Variants in MTRF1 observed in about 807,000 individuals in gnomAD.
The protein encoded by MTRF1 is mitochondrial translation release factor 1, also known as peptide chain release factor 1, mitochondrial.
In MTRF1, 51 loss-of-function variants were observed where a neutral mutation model predicts 62.9. That is an observed-to-expected ratio of 0.81 (90% CI 0.65 to 1.02). The LOEUF is 1.02. Ranked by LOEUF, MTRF1 falls within the 50% of genes least tolerant of loss-of-function variation. The pLI is 0.00. For missense variants in MTRF1, 446 were observed against 530.0 expected (o/e 0.84, Z 1.56); for synonymous variants, 158 against 181.9 (o/e 0.87, Z 1.06).
chr13:41,226,100 T>G (rs1489209560), intron 8 of MTRF1, among the ~76,000 whole-genome samples: 1 of 152,240 alleles, frequency 6.6e-6, no homozygotes, highest in Non-Finnish European at 1.5e-5. Flanking sequence ...TTTTAATTTT[T>G]AGAAATAAAA....
intron 8 of MTRF1, among the ~76,000 whole-genome samples, chr13:41,225,436 C>A (rs534044069): frequency 6.6e-6 from 1 of 152,088 alleles, no homozygotes; most frequent in South Asian, 2.1e-4. Flanking sequence ...CAAGTGTATA[C>A]ACTGATGATG....
rs2039481507 is a variant in MTRF1 at position 41,254,589 on chromosome 13, T to C, written c.447A>G (p.Gln149=). 6.2e-7 allele frequency: 1 copy of C among 1,613,626 alleles called. No homozygotes were observed. The change falls in exon 3 of 10, where the codon CAA becomes CAG. Residue 149 remains glutamine, a synonymous_variant. Transcript: ENST00000379480. ...SLNKQDEKQL[Q]ELALEERQTI... ...TTTGCCTTTCTTCCAGTGCAAGTTC[T>C]TGTAACTGCTTTTCATCTTGTTTAT...
chr13:41,239,628 T>C (rs2138943450), intron 6 of MTRF1, among the ~76,000 whole-genome samples: 1 of 152,220 alleles, frequency 6.6e-6, no homozygotes, highest in East Asian at 1.9e-4. Context: ...AAAAGATAGA[T>C]ACATGGTCCC....
chr13:41,222,317 A>G (rs1204934103), intron 9 of MTRF1, among the ~76,000 whole-genome samples: 1 of 152,190 alleles, frequency 6.6e-6, no homozygotes, highest in African/African-American at 2.4e-5. Context: ...TGCGATTTAG[A>G]TAGGTTAATG....
At chr13:41,286,626 T>C in the MTRF1 span, among the ~76,000 whole-genome samples, 1 of 152,216 alleles carries the variant, frequency 6.6e-6, no homozygotes, top group Non-Finnish European at 1.5e-5. Context: ...TCATATCTTA[T>C]CAAAATACGA....
At chr13:41,286,456 G>A in the MTRF1 span, among the ~76,000 whole-genome samples, 6 of 152,080 alleles carry the variant, frequency 3.9e-5, no homozygotes, top group Non-Finnish European at 7.4e-5. Flanking sequence ...TAATACTTAC[G>A]GTTCTTCTAC....
In MTRF1 at chr13:41,260,653, C is replaced by A; in HGVS notation, c.255G>T (p.Glu85Asp). The A allele has an allele frequency of 6.2e-7, 1 of 1,614,218 alleles. No individual in the cohort carries two copies. Among genetic ancestry groups the A allele is most frequent in the Non-Finnish European group, 8.5e-7 (1 of 1,180,036 alleles). Residue 85 changes from glutamate (E) to aspartate (D), a missense_variant, in exon 2 of 10, where the codon GAG becomes GAT. Physicochemically the swap from Glu to Asp is conservative, Grantham distance 45. Coordinates refer to ENST00000379480, the MANE Select transcript of MTRF1 (RefSeq NM_004294.4). Reference sequence around the variant, plus strand: ...GCAGACATTGCTCAAGTGTTTGGTACTCCTTACTCAGGTTCTCCATATATT... The same window carrying A: ...GCAGACATTGCTCAAGTGTTTGGTAATCCTTACTCAGGTTCTCCATATATT... ...LQKYMENLSKEYQTLEQCLQH... is the reference protein window; with the variant it reads ...LQKYMENLSKDYQTLEQCLQH...
chr13:41,262,353 A>G (rs1028164081), intron 1 of MTRF1: 4 of 150,686 alleles, frequency 2.7e-5, no homozygotes, highest in African/African-American at 4.9e-5. Context: ...AAAAAAAAAA[A>G]AAAAGAAACA....
chr13:41,257,697 C>T (rs1019103977), intron 2 of MTRF1: 3 of 389,126 alleles, frequency 7.7e-6, no homozygotes, highest in East Asian at 1.5e-4. Flanking sequence ...ACTTGGGAGG[C>T]TGAGGTTGGA....
intron 2 of MTRF1, among the ~76,000 whole-genome samples, chr13:41,259,688 C>T (rs1187466931): frequency 8.7e-5 from 2 of 23,098 alleles, no homozygotes; most frequent in African/African-American, 1.4e-4. Context: ...GGCGACAGAG[C>T]GAGACTCCGT....
chr13:41,284,586 A>G, the MTRF1 span, among the ~76,000 whole-genome samples: 2 of 151,874 alleles, frequency 1.3e-5, no homozygotes, highest in Non-Finnish European at 1.5e-5. Flanking sequence ...GATAATCTAC[A>G]GGATACATTT....
chr13:41,260,435 G>T, intron 2 of MTRF1, 58 bp downstream of exon 2: 1 of 1,363,648 alleles, frequency 7.3e-7, no homozygotes, highest in Non-Finnish European at 9.9e-7. Context: ...ACGCATATAA[G>T]TGTGTGGTTT....
At chr13:41,222,203 T>C (rs2033519683) in intron 9 of MTRF1, among the ~76,000 whole-genome samples, 1 of 152,164 alleles carries the variant, frequency 6.6e-6, no homozygotes, top group Admixed American at 6.5e-5. Flanking sequence ...ACATAGTCCT[T>C]TATGGGACCA....
intron 6 of MTRF1, among the ~76,000 whole-genome samples, chr13:41,237,503 T>C (rs1320519093): frequency 1.3e-5 from 2 of 152,038 alleles, no homozygotes; most frequent in African/African-American, 4.8e-5. Context: ...CACTATGCAT[T>C]CTTTTTTTTT....
At chr13:41,299,818 A>C in the MTRF1 span, among the ~76,000 whole-genome samples, 1 of 152,212 alleles carries the variant, frequency 6.6e-6, no homozygotes. Context: ...CTAAGGCATA[A>C]TTCAAATAAG....
the MTRF1 span, among the ~76,000 whole-genome samples, chr13:41,275,451 C>T: frequency 1.3e-5 from 2 of 150,642 alleles, no homozygotes; most frequent in African/African-American, 2.5e-5. Flanking sequence ...CTGCCCGCCT[C>T]GGCCTCCCAA....
chr13:41,294,069 T>C, the MTRF1 span, among the ~76,000 whole-genome samples: 2 of 152,140 alleles, frequency 1.3e-5, no homozygotes, highest in African/African-American at 4.8e-5. Flanking sequence ...GAATTCTGTA[T>C]ATAAAGAGTA....
chr13:41,218,580 A>G (rs1218752256), intron 9 of MTRF1, among the ~76,000 whole-genome samples: 3 of 152,214 alleles, frequency 2.0e-5, no homozygotes, highest in Non-Finnish European at 4.4e-5. Context: ...AAAAATGACT[A>G]AATTAATGAC....
chr13:41,236,715 T>G (rs543743564), intron 6 of MTRF1: 2 of 152,306 alleles, frequency 1.3e-5, no homozygotes, highest in South Asian at 4.1e-4. Context: ...CATGTGGCTA[T>G]AGTATATTAA....
Sources: allele counts gnomAD v4.1 joint callset (sites outside exome capture counted in the v4.1 genomes callset), GRCh38; gene constraint gnomAD v4.1.1; transcripts MANE v1.5; gene names NCBI Gene and HGNC (gene_info 2026-07-23, HGNC 2026-07-21).